Variants in SERPING1 observed in about 807,000 individuals in gnomAD.
The protein encoded by SERPING1 is serpin family G member 1.
SERPING1 carries 5 observed loss-of-function variants against 34.1 expected under a neutral mutation model. The ratio of observed to expected loss-of-function variants is 0.15; its 90% CI spans 0.08 to 0.31. The LOEUF (loss-of-function observed/expected upper bound fraction) is 0.31, where lower values mean the gene tolerates loss of function less well. Ranked by LOEUF, SERPING1 falls within the 10% of genes least tolerant of loss-of-function variation. The pLI, the probability that SERPING1 is intolerant of heterozygous loss-of-function variation, is 1.00. For missense variants in SERPING1, 505 were observed against 609.5 expected (o/e 0.83, Z 1.81); for synonymous variants, 225 against 242.4 (o/e 0.93, Z 0.67).
chr11:57,598,306 G>A lies in SERPING1; in HGVS notation c.36G>A (p.Leu12=). ...ASRLTLLTLL[L]LLLAGDRASS... ...GGCTGACCCTGCTGACCCTCCTGCT[G>A]CTGCTGCTGGCTGGGGTATGTGGTC... Residue 12 remains leucine, a synonymous_variant, in exon 2 of 8, where the codon CTG becomes CTA. Coordinates refer to ENST00000278407, the MANE Select transcript of SERPING1 (RefSeq NM_000062.3). 1 of 1,564,068 alleles carries A rather than the reference G, an allele frequency of 6.4e-7. No individual in the cohort carries two copies. Among genetic ancestry groups the A allele is most frequent in the East Asian group, 2.3e-5 (1 of 42,688 alleles).
At chr11:57,607,177 C>T (rs1465962208) in intron 6 of SERPING1, among the ~76,000 whole-genome samples, 1 of 152,200 alleles carries the variant, frequency 6.6e-6, no homozygotes, top group African/African-American at 2.4e-5. Context: ...GACAATGTCT[C>T]AATACCTGGC....
chr11:57,601,855 C>A (rs1945350532), intron 3 of SERPING1, among the ~76,000 whole-genome samples, 180 bp from the exon 4 acceptor site: 11 of 57,784 alleles, frequency 1.9e-4, no homozygotes, highest in Admixed American at 6.3e-4. Flanking sequence ...GACTCTGTCT[C>A]AAAAAAAAAA....
chr11:57,611,517 TC>T (rs1402536321), intron 6 of SERPING1, 199 bp from the exon 7 acceptor site: 2 of 619,800 alleles, frequency 3.2e-6, no homozygotes, highest in Non-Finnish European at 2.9e-6. Flanking sequence ...CCTCTACCTC[TC>T]CCCAGCACAG....
At chr11:57,609,746 G>T (rs1590828582) in intron 6 of SERPING1, among the ~76,000 whole-genome samples, 1 of 151,972 alleles carries the variant, frequency 6.6e-6, no homozygotes, top group African/African-American at 2.4e-5. Context: ...TAATATGCTC[G>T]ATTTTCTTTT....
At chr11:57,609,655 A>G (rs1366874845) in intron 6 of SERPING1, among the ~76,000 whole-genome samples, 1 of 152,222 alleles carries the variant, frequency 6.6e-6, no homozygotes, top group African/African-American at 2.4e-5. Flanking sequence ...TATTGAACAG[A>G]TTAAACTCCT....
At chr11:57,600,831 A>G (rs1945340055) in intron 3 of SERPING1, among the ~76,000 whole-genome samples, 1 of 151,934 alleles carries the variant, frequency 6.6e-6, no homozygotes, top group African/African-American at 2.4e-5. Context: ...CATGCCTGTA[A>G]TCCCAGCTAC....
chr11:57,601,913 G>T, intron 3 of SERPING1, 122 bp from the exon 4 acceptor site: 16 of 665,484 alleles, frequency 2.4e-5, no homozygotes, highest in East Asian at 3.7e-5. Context: ...CAGCTCAGAT[G>T]ATCTGTGATC....
intron 6 of SERPING1, 85 bp from the exon 7 acceptor site, chr11:57,611,632 A>C: frequency 4.1e-6 from 5 of 1,228,712 alleles, no homozygotes; most frequent in South Asian, 3.6e-5. Flanking sequence ...GTGGGAGCAG[A>C]CTGCAGGACA....
intron 4 of SERPING1, 69 bp downstream of exon 4, chr11:57,602,238 G>C (rs1195138203): frequency 1.3e-5 from 21 of 1,569,586 alleles, no homozygotes; most frequent in African/African-American, 1.4e-5. Context: ...GGGACCCAGC[G>C]CTGGGGAAAG....
intron 6 of SERPING1, among the ~76,000 whole-genome samples, chr11:57,607,713 G>A (rs1945426990): frequency 6.6e-6 from 1 of 152,226 alleles, no homozygotes; most frequent in African/African-American, 2.4e-5. Context: ...AAGCTGCAGT[G>A]CATTGACATG....
In SERPING1 at chr11:57,600,293, G is replaced by T. The variant is rs139035354; in HGVS notation, c.466G>T (p.Ala156Ser). ...LVDFSLKLYH[A>S]FSAMKKVETN... Reference sequence around the variant, plus strand: ...AGATTTCTCCCTGAAGCTCTACCACGCCTTCTCAGCAATGAAGAAGGTGGA... The same window carrying T: ...AGATTTCTCCCTGAAGCTCTACCACTCCTTCTCAGCAATGAAGAAGGTGGA... Residue 156 changes from alanine to serine, a missense_variant, in exon 3 of 8, where the codon GCC becomes TCC. Physicochemically the swap from Ala to Ser is moderately conservative, Grantham distance 99. Transcript: ENST00000278407. The T allele has an allele frequency of 6.2e-7, 1 of 1,613,904 alleles. No homozygotes were observed. Among genetic ancestry groups the T allele is most frequent in the South Asian group, 1.1e-5 (1 of 91,062 alleles).
intron 6 of SERPING1, 154 bp from the exon 7 acceptor site, chr11:57,611,563 C>T: frequency 1.3e-6 from 1 of 764,756 alleles, no homozygotes; most frequent in Non-Finnish European, 2.3e-6. Flanking sequence ...GCTGGTATCC[C>T]CATTTCATGG....
intron 6 of SERPING1, among the ~76,000 whole-genome samples, chr11:57,607,055 A>G (rs1440761828): frequency 6.6e-6 from 1 of 152,252 alleles, no homozygotes; most frequent in Non-Finnish European, 1.5e-5. Context: ...GAGAAGACAG[A>G]ATATGGAGCC....
At chr11:57,610,810 C>T (rs371521428) in intron 6 of SERPING1, among the ~76,000 whole-genome samples, 16 of 152,358 alleles carry the variant, frequency 1.1e-4, no homozygotes, top group African/African-American at 3.8e-4. Flanking sequence ...ACCAAAATGT[C>T]TCCAGACATT....
At chr11:57,601,146 A>T (rs1945343454) in intron 3 of SERPING1, among the ~76,000 whole-genome samples, 1 of 152,022 alleles carries the variant, frequency 6.6e-6, no homozygotes, top group South Asian at 2.1e-4. Flanking sequence ...CACACCTGTA[A>T]TCCCAGCATT....
In SERPING1 at chr11:57,600,274, C is replaced by A. The variant is rs1415913018; in HGVS notation, c.447C>A (p.Phe149Leu). 1 of 1,614,006 alleles carries A rather than the reference C, an allele frequency of 6.2e-7. No homozygotes were observed. Among genetic ancestry groups the A allele is most frequent in the Admixed American group, 1.7e-5 (1 of 60,000 alleles). Residue 149 changes from phenylalanine to leucine, a missense_variant, in exon 3 of 8, where the codon TTC becomes TTA. Coordinates refer to ENST00000278407, the MANE Select transcript of SERPING1 (RefSeq NM_000062.3). ...EAVLGDALVD[F>L]SLKLYHAFSA... is the part of the protein sequence containing the mutation. The stretch of plus-strand genomic sequence containing the variant: ...TGTTGGGGGATGCTTTGGTAGATTT[C>A]TCCCTGAAGCTCTACCACGCCTTCT...
intron 4 of SERPING1, 46 bp from the exon 5 acceptor site, chr11:57,605,964 A>G (rs1235541106): frequency 6.5e-7 from 1 of 1,543,350 alleles, no homozygotes; most frequent in Non-Finnish European, 9.0e-7. Flanking sequence ...CATGGAAAGA[A>G]CGACGTGTTC....
chr11:57,600,479 A>C, intron 3 of SERPING1, 102 bp downstream of exon 3: 1 of 1,306,774 alleles, frequency 7.7e-7, no homozygotes, highest in Non-Finnish European at 1.1e-6. Context: ...AAGAAGCTGT[A>C]AAAATGGGCT....
At chr11:57,598,385 C>T (rs1945312057) in intron 2 of SERPING1, 64 bp downstream of exon 2, 3 of 1,478,974 alleles carry the variant, frequency 2.0e-6, no homozygotes, top group Non-Finnish European at 2.7e-6. Context: ...GTGCGGGGTG[C>T]GGGCGGTGGC....
Sources: allele counts gnomAD v4.1 joint callset (sites outside exome capture counted in the v4.1 genomes callset), GRCh38; gene constraint gnomAD v4.1.1; transcripts MANE v1.5; gene names NCBI Gene and HGNC (gene_info 2026-07-23, HGNC 2026-07-21).